The following TSHZ2 variants were observed in gnomAD, a reference collection of about 807,000 sequenced individuals.
TSHZ2 encodes teashirt homolog 2.
TSHZ2 carries 21 observed loss-of-function variants against 74.4 expected under a neutral mutation model. That is an observed-to-expected ratio of 0.28 (90% CI 0.20 to 0.41). The LOEUF is 0.41. TSHZ2 is among the 10% of genes least tolerant of loss of function. TSHZ2 has a pLI of 1.00. For missense variants in TSHZ2, 1,244 were observed against 1,293.5 expected (o/e 0.96, Z 0.59); for synonymous variants, 540 against 515.3 (o/e 1.05, Z -0.65).
At chr20:53,102,630 A>G (rs1358672528) in intron 1 of TSHZ2, among the ~76,000 whole-genome samples, 1 of 152,198 alleles carries the variant, frequency 6.6e-6, no homozygotes, top group African/African-American at 2.4e-5. Context: ...AGCTGAAAAT[A>G]TGTTTTGGGT....
At chr20:53,266,273 A>G (rs1191002759) in intron 2 of TSHZ2, among the ~76,000 whole-genome samples, 1 of 152,218 alleles carries the variant, frequency 6.6e-6, no homozygotes, top group East Asian at 1.9e-4. Flanking sequence ...AAGGAGGGAC[A>G]CAGCATGAAA....
intron 1 of TSHZ2, among the ~76,000 whole-genome samples, chr20:53,049,953 A>G (rs113840852): frequency 0.047 from 7,182 of 151,352 alleles, 210 homozygotes; most frequent in Middle Eastern, 0.078. Flanking sequence ...TTGGTGGTGC[A>G]TGCCTGTAAT....
intron 1 of TSHZ2, among the ~76,000 whole-genome samples, chr20:52,986,961 G>A (rs1016960309): frequency 6.6e-6 from 1 of 151,950 alleles, no homozygotes; most frequent in African/African-American, 2.4e-5. Context: ...TGTTGCACAA[G>A]CTGTGAAGAG....
rs142661555 is a variant in TSHZ2, at chr20:53,253,971, C to T, written c.513C>T (p.Asp171=). ...AGAGTGATTTTGATTGGCACCAAGA[C>T]GCTCTGTCCAAAAGCCTGCAGCAGA... The part of the protein sequence containing the change: ...SNKSDFDWHQ[D]ALSKSLQQNL... The change falls in exon 2 of 3, where the codon GAC becomes GAT. Residue 171 remains aspartate (D), a synonymous_variant. Transcript: ENST00000371497. 4.3e-5 allele frequency: 69 copies of T among 1,614,166 alleles called. No individual in the cohort carries two copies. Among genetic ancestry groups the T allele is most frequent in the Middle Eastern group, 3.3e-4 (2 of 6,062 alleles).
intron 2 of TSHZ2, among the ~76,000 whole-genome samples, chr20:53,288,114 C>T (rs570550399): frequency 1.0e-4 from 15 of 150,734 alleles, no homozygotes; most frequent in Admixed American, 4.6e-4. Context: ...AACTAGTTAC[C>T]GGTAGGCCAG....
Position 53,254,012 on chromosome 20 carries a change from C to T in TSHZ2, c.554C>T (p.Ser185Phe), listed in dbSNP as rs535722679. The change falls in exon 2 of 3, where the codon TCC becomes TTC. Residue 185 changes from serine (S) to phenylalanine (F), a missense_variant. Around this residue, in one of 6 missense-constraint regions of TSHZ2, gnomAD observed 470 missense variants for 456.5 expected, o/e 1.03. Transcript: ENST00000371497. ...KSLQQNLPSRSVSKPSLFSSV... is the reference protein window; with the variant it reads ...KSLQQNLPSRFVSKPSLFSSV... ...CTGCAGCAGAACTTGCCTTCTCGGT[C>T]CGTCTCGAAACCCAGCCTGTTCAGC... 1.9e-6 allele frequency: 3 copies of T among 1,614,144 alleles called. No homozygotes were observed. The highest frequency in any genetic ancestry group is 1.7e-5 in the Admixed American group (1 of 60,034).
At chr20:53,264,908 C>T (rs1990680169) in intron 2 of TSHZ2, among the ~76,000 whole-genome samples, 1 of 152,122 alleles carries the variant, frequency 6.6e-6, no homozygotes, top group Non-Finnish European at 1.5e-5. Context: ...ACAGGGAACT[C>T]AGGGAAGGCC....
At chr20:53,216,893 C>G (rs1036184922) in intron 1 of TSHZ2, among the ~76,000 whole-genome samples, 34 of 152,292 alleles carry the variant, frequency 2.2e-4, no homozygotes, top group African/African-American at 8.2e-4. Context: ...CCTGGCAGCT[C>G]CTGGCGACTC....
chr20:53,255,416 A>C lies in TSHZ2; in HGVS notation c.1958A>C (p.Glu653Ala). 1 of 1,613,444 alleles carries C rather than the reference A, an allele frequency of 6.2e-7. No homozygotes were observed. Among genetic ancestry groups the C allele is most frequent in the African/African-American group, 1.3e-5 (1 of 75,034 alleles). ...AAGACCGAGCTGGGTCCCCTGAAGG[A>C]GGAGGAGAAGCTGATGAAAGAGGGC... ...AKKTELGPLK[E>A]EEKLMKEGSE... Residue 653 changes from glutamate to alanine, a missense_variant, in exon 2 of 3, where the codon GAG (glutamate) becomes GCG (alanine). Around this residue, in one of 6 missense-constraint regions of TSHZ2, gnomAD observed 562 missense variants for 544.0 expected, o/e 1.03. Transcript: ENST00000371497. The surrounding 1 kb of genome is among the most constrained non-coding windows in gnomAD (Gnocchi z 4.1).
At chr20:53,338,208 C>T (rs1344687821) in intron 2 of TSHZ2, among the ~76,000 whole-genome samples, 4 of 152,214 alleles carry the variant, frequency 2.6e-5, no homozygotes, top group Non-Finnish European at 5.9e-5. Context: ...AGAATGTCTT[C>T]ATAATTCTTT....
intron 2 of TSHZ2, among the ~76,000 whole-genome samples, chr20:53,331,481 G>A (rs1042680302): frequency 2.8e-4 from 43 of 152,034 alleles, no homozygotes; most frequent in African/African-American, 8.5e-4. Flanking sequence ...AGGTGGCACC[G>A]CCAACCATGC....
At chr20:53,303,928 G>GGTGATAA (rs1978409529) in intron 2 of TSHZ2, among the ~76,000 whole-genome samples, 2 of 151,958 alleles carry the variant, frequency 1.3e-5, no homozygotes, top group African/African-American at 2.4e-5. Flanking sequence ...TACCTTTGTA[G>GGTGATAA]CAATTCTTTT....
At position 53,074,074 on chromosome 20, in the gene TSHZ2, A is replaced by G. The variant is rs1318220366; in HGVS notation, c.40+100741A>G. Among the ~76,000 whole-genome samples the G allele has an allele frequency of 1.3e-5, 2 of 152,212 alleles. No individual in the cohort carries two copies. Among genetic ancestry groups the G allele is most frequent in the Non-Finnish European group, 2.9e-5 (2 of 68,032 alleles). On this transcript the variant is annotated intron_variant, in intron 1 of 2. Coordinates refer to ENST00000371497, the MANE Select transcript of TSHZ2 (RefSeq NM_173485.6). This position sits in a 1 kb window ranked among gnomAD's most constrained non-coding sequence, Gnocchi z 5.9. ...AAAAAACTGACTTCGCAATTCTAGC[A>G]TTGTAAAAGACATGTACATACAACT...
At chr20:53,069,051 C>A (rs1985085572) in intron 1 of TSHZ2, among the ~76,000 whole-genome samples, 1 of 152,066 alleles carries the variant, frequency 6.6e-6, no homozygotes, top group Non-Finnish European at 1.5e-5. Context: ...GCACCAGGAG[C>A]CATTTTATCT....
intron 2 of TSHZ2, among the ~76,000 whole-genome samples, chr20:53,345,789 C>G (rs891147135): frequency 5.9e-5 from 9 of 151,714 alleles, no homozygotes; most frequent in Non-Finnish European, 1.0e-4. Flanking sequence ...CTCCCCTCCC[C>G]ACTTCTCAGC....
chr20:53,395,912 T>C (rs1443696489), intron 2 of TSHZ2, among the ~76,000 whole-genome samples: 1 of 152,028 alleles, frequency 6.6e-6, no homozygotes, highest in Admixed American at 6.5e-5. Context: ...TAGACACACA[T>C]TGGAAAGTTT....
chr20:53,341,226 T>C (rs1021896262), intron 2 of TSHZ2, among the ~76,000 whole-genome samples: 2 of 152,146 alleles, frequency 1.3e-5, no homozygotes, highest in Admixed American at 1.3e-4. Flanking sequence ...CAGCTTCCCT[T>C]ATCCACCTCC....
chr20:53,356,629 G>A (rs560750836), intron 2 of TSHZ2, among the ~76,000 whole-genome samples: 22 of 152,246 alleles, frequency 1.4e-4, no homozygotes, highest in Admixed American at 1.4e-3. Context: ...AGCTGGCCAG[G>A]GAGGAGAGGC....
chr20:53,300,875 G>C (rs956671340), intron 2 of TSHZ2, among the ~76,000 whole-genome samples: 1 of 152,220 alleles, frequency 6.6e-6, no homozygotes, highest in Non-Finnish European at 1.5e-5. Flanking sequence ...GGAAGGTGTT[G>C]CATATTTGTT....
Sources: allele counts gnomAD v4.1 joint callset (sites outside exome capture counted in the v4.1 genomes callset), GRCh38; gene constraint gnomAD v4.1.1; regional missense constraint gnomAD v4.1.1; non-coding constraint Gnocchi (gnomAD v3.1); transcripts MANE v1.5; gene names NCBI Gene and HGNC (gene_info 2026-07-23, HGNC 2026-07-21).